The following SMAD9 variants were observed in gnomAD, a reference collection of about 807,000 sequenced individuals.
SMAD9 encodes the protein MAD homolog 9.
A neutral mutation model predicts 46.1 loss-of-function variants in SMAD9; 36 were observed. The ratio of observed to expected loss-of-function variants is 0.78; its 90% CI spans 0.60 to 1.03. The LOEUF is 1.03. Among genes scored for constraint, SMAD9 ranks in the 50% least tolerant of loss-of-function variants. The pLI is 0.00. For missense variants in SMAD9, 572 were observed against 599.8 expected (o/e 0.95, Z 0.48); for synonymous variants, 245 against 237.1 (o/e 1.03, Z -0.31).
At chr13:36,864,707 T>G (rs1253847702) in intron 5 of SMAD9, among the ~76,000 whole-genome samples, 1 of 152,168 alleles carries the variant, frequency 6.6e-6, no homozygotes, top group Non-Finnish European at 1.5e-5. Flanking sequence ...GGAGACATTT[T>G]GAAGGTATGT....
chr13:36,872,564 C>T, intron 3 of SMAD9, 94 bp downstream of exon 3: 2 of 1,387,250 alleles, frequency 1.4e-6, no homozygotes, highest in Non-Finnish European at 2.0e-6. Flanking sequence ...ATATGAATGA[C>T]AGTTACAATG....
chr13:36,879,860 A>G lies in SMAD9; in HGVS notation c.-171T>C. 1.5e-6 allele frequency: 1 copy of G among 662,654 alleles called. No individual in the cohort carries two copies. The highest frequency in any genetic ancestry group is 2.6e-6 in the Non-Finnish European group (1 of 386,792). 41.0% of individuals were successfully genotyped at this position (662,654 alleles called of 1,614,324 possible). On this transcript the variant is annotated 5_prime_UTR_variant, in exon 2 of 7. Transcript: ENST00000379826. ...GTGTTGACTTTCTCCTAAGCCCTTGAACAGGGTGGCCAACTCTGGAAAACA... is the reference window on the plus strand; with the variant it reads ...GTGTTGACTTTCTCCTAAGCCCTTGGACAGGGTGGCCAACTCTGGAAAACA...
chr13:36,881,867 G>A (rs184616303), intron 1 of SMAD9, among the ~76,000 whole-genome samples: 5 of 152,314 alleles, frequency 3.3e-5, no homozygotes, highest in African/African-American at 7.2e-5. Context: ...AACCCCAAAA[G>A]AGTTGTGAAT....
At chr13:36,892,699 G>A (rs149730802) in intron 1 of SMAD9, among the ~76,000 whole-genome samples, 1 of 152,286 alleles carries the variant, frequency 6.6e-6, no homozygotes, top group Non-Finnish European at 1.5e-5. Flanking sequence ...ACTTATCAGT[G>A]ATGCTTAACT....
At chr13:36,902,643 A>G (rs564897771) in intron 1 of SMAD9, among the ~76,000 whole-genome samples, 65 of 152,068 alleles carry the variant, frequency 4.3e-4, no homozygotes, top group Middle Eastern at 3.4e-3. Context: ...TTTTTAGTAG[A>G]GACTGGGTTT....
intron 1 of SMAD9, among the ~76,000 whole-genome samples, chr13:36,906,430 C>A (rs1369607458): frequency 2.0e-5 from 3 of 152,042 alleles, no homozygotes; most frequent in South Asian, 4.1e-4. Flanking sequence ...AAACCATATT[C>A]TATGCAAATC....
In SMAD9 at chr13:36,846,305, AC is replaced by A. The variant is rs1253250658; in HGVS notation, c.*2370del. On this transcript the variant is annotated 3_prime_UTR_variant, in exon 7 of 7. Transcript: ENST00000379826. ...AGACCATTCTGGCTACCATGGTGAA[AC>A]CCCGTCTCTACTAAAAATATAAAAA... 9 of 151,672 alleles carry A rather than the reference AC, an allele frequency of 5.9e-5. No individual in the cohort carries two copies. Among genetic ancestry groups the A allele is most frequent in the African/African-American group, 1.9e-4 (8 of 41,400 alleles). The allele number at this position is 151,672 out of a possible 1,614,324, so 9.4% of individuals were successfully genotyped here.
intron 1 of SMAD9, among the ~76,000 whole-genome samples, chr13:36,881,366 T>A (rs770195639): frequency 1.3e-5 from 2 of 152,226 alleles, no homozygotes; most frequent in Non-Finnish European, 2.9e-5. Flanking sequence ...AATTGTTTGT[T>A]TAATATGCAT....
chr13:36,917,368 A>C (rs949839806), intron 1 of SMAD9, among the ~76,000 whole-genome samples: 2 of 150,836 alleles, frequency 1.3e-5, no homozygotes, highest in African/African-American at 2.4e-5. Flanking sequence ...TGCTCACAGT[A>C]TTGTTAAGTA....
chr13:36,867,336 G>C lies in SMAD9; in HGVS notation c.718C>G (p.Gln240Glu). 2 of 1,551,246 alleles carry C rather than the reference G, an allele frequency of 1.3e-6. No homozygotes were observed. The highest frequency in any genetic ancestry group is 1.7e-6 in the Non-Finnish European group (2 of 1,146,724). ...PYHATEASET[Q>E]SGQPVDATAD... ...GTGGCATCTACAGGTTGGCCACTCT[G>C]GGTCTCAGAGGCTTCTGTGGCATGA... The change falls in exon 4 of 7, where the codon CAG (glutamine) becomes GAG (glutamate). Residue 240 changes from glutamine to glutamate, a missense_variant. By Grantham distance (29) the Gln-to-Glu change is conservative. Transcript: ENST00000379826.
chr13:36,909,919 T>C (rs1469839631), intron 1 of SMAD9, among the ~76,000 whole-genome samples: 2 of 152,148 alleles, frequency 1.3e-5, no homozygotes, highest in East Asian at 3.9e-4. Context: ...AACAACCGGC[T>C]GGGCGCAGTG....
chr13:36,888,574 G>A (rs1299976070), intron 1 of SMAD9, among the ~76,000 whole-genome samples: 1 of 152,160 alleles, frequency 6.6e-6, no homozygotes. Context: ...TAAAGAGGCA[G>A]AAGAGCCAGG....
At chr13:36,896,209 T>A (rs1383957115) in intron 1 of SMAD9, among the ~76,000 whole-genome samples, 1 of 152,098 alleles carries the variant, frequency 6.6e-6, no homozygotes, top group African/African-American at 2.4e-5. Context: ...CTCGGCTCAC[T>A]GCAACCTCTG....
intron 1 of SMAD9, among the ~76,000 whole-genome samples, chr13:36,902,851 A>G (rs1268094293): frequency 6.6e-6 from 1 of 152,098 alleles, no homozygotes; most frequent in Non-Finnish European, 1.5e-5. Flanking sequence ...TAGGATATGG[A>G]CGTTTGTCCA....
chr13:36,869,645 A>T (rs1264641434), intron 3 of SMAD9, among the ~76,000 whole-genome samples: 1 of 149,870 alleles, frequency 6.7e-6, no homozygotes, highest in Admixed American at 6.7e-5. Flanking sequence ...CCAGCCTAAC[A>T]TGGTGAAACC....
In SMAD9 at chr13:36,846,982, C is replaced by T. The variant is rs1389794398; in HGVS notation, c.*1694G>A. 1 of 152,084 alleles carries T rather than the reference C, an allele frequency of 6.6e-6. No individual in the cohort carries two copies. The highest frequency in any genetic ancestry group is 1.5e-5 in the Non-Finnish European group (1 of 68,028). The allele number at this position is 152,084 out of a possible 1,614,324, so 9.4% of individuals were successfully genotyped here. ...TACCTGACACCCATAGGTAGGTGCA[C>T]AATACATAGTTGATGAACCAATAAA... On this transcript the variant is annotated 3_prime_UTR_variant, in exon 7 of 7. Coordinates refer to ENST00000379826, the MANE Select transcript of SMAD9 (RefSeq NM_001127217.3).
intron 2 of SMAD9, 145 bp downstream of exon 2, chr13:36,879,133 C>G (rs1173691855): frequency 1.1e-5 from 8 of 717,100 alleles, no homozygotes; most frequent in African/African-American, 1.9e-5. Context: ...TTGGACGAGT[C>G]CCTCAAAACT....
chr13:36,905,774 CAAAAAAAAAAAAAAAAAAAAAAAA>C lies in SMAD9; in HGVS notation c.-187+14318_-187+14341del, dbSNP rs60358673. Among the ~76,000 whole-genome samples, 168 of 66,452 alleles carry C rather than the reference CAAAAAAAAAAAAAAAAAAAAAAAA, an allele frequency of 2.5e-3. 1 individual carries two copies. Among genetic ancestry groups the C allele is most frequent in the Admixed American group, 0.016 (70 of 4,448 alleles). The allele number at this position is 66,452 out of a possible 152,430, so 43.6% of individuals were successfully genotyped here. On this transcript the variant is annotated intron_variant, in intron 1 of 6. Coordinates refer to ENST00000379826, the MANE Select transcript of SMAD9 (RefSeq NM_001127217.3). ...TAGATAAAAGGGCAAGACCCTGTCT[CAAAAAAAAAAAAAAAAAAAAAAAA>C]AAAAAAAAAAAAAAAAACTTATATC...
chr13:36,878,884 T>C (rs2058372557), intron 2 of SMAD9, among the ~76,000 whole-genome samples: 2 of 152,214 alleles, frequency 1.3e-5, no homozygotes, highest in Admixed American at 6.5e-5. Context: ...TTTCTCCGAT[T>C]AGCCATCTGC....
Sources: allele counts gnomAD v4.1 joint callset (sites outside exome capture counted in the v4.1 genomes callset), GRCh38; gene constraint gnomAD v4.1.1; transcripts MANE v1.5; gene names NCBI Gene and HGNC (gene_info 2026-07-23, HGNC 2026-07-21).